LPIN1: variants seen among roughly 807,000 people sequenced by gnomAD.
LPIN1 encodes phosphatidate phosphatase LPIN1.
LPIN1 carries 71 observed loss-of-function variants against 107.5 expected under a neutral mutation model. That is an observed-to-expected ratio of 0.66 (90% CI 0.55 to 0.80). The LOEUF (loss-of-function observed/expected upper bound fraction) is 0.80, where lower values mean the gene tolerates loss of function less well. LPIN1 is among the 30% of genes least tolerant of loss of function. The pLI is 0.00. For synonymous variants in LPIN1, 445 were observed against 452.6 expected, an observed-to-expected ratio of 0.98 and a Z score of 0.21; for missense variants, 1,043 against 1,160.6, an observed-to-expected ratio of 0.90 and a Z score of 1.47.
chr2:11,776,447 T>G (rs1032353168), intron 6 of LPIN1, among the ~76,000 whole-genome samples: 1 of 151,598 alleles, frequency 6.6e-6, no homozygotes, highest in Non-Finnish European at 1.5e-5. Flanking sequence ...TTTTTTTTTT[T>G]AATTCCTAAA....
chr2:11,777,719 C>T (rs79208619), intron 6 of LPIN1, among the ~76,000 whole-genome samples: 2,272 of 152,308 alleles, frequency 0.015, 56 homozygotes, highest in African/African-American at 0.052. Flanking sequence ...AAATGTTTGC[C>T]GACCCCTGTT....
At chr2:11,681,095 C>T (rs1661688358) in intron 1 of LPIN1, among the ~76,000 whole-genome samples, 1 of 152,144 alleles carries the variant, frequency 6.6e-6, no homozygotes, top group Admixed American at 6.5e-5. Context: ...GACACTGAAT[C>T]CCTCTACACT....
At chr2:11,775,883 ATATATAATCTTT>A (rs1157200356) in intron 5 of LPIN1, among the ~76,000 whole-genome samples, 191 bp from the exon 6 acceptor site, 1 of 147,564 alleles carries the variant, frequency 6.8e-6, no homozygotes, top group Non-Finnish European at 1.5e-5. Flanking sequence ...ATATAATCTT[ATATATAATCTTT>A]ATATAAAGTA....
intron 13 of LPIN1, among the ~76,000 whole-genome samples, chr2:11,792,737 C>T (rs766764163): frequency 2.0e-5 from 3 of 152,182 alleles, no homozygotes; most frequent in Non-Finnish European, 4.4e-5. Flanking sequence ...TTCTCTGAGT[C>T]CTTTCACTGA....
intron 1 of LPIN1, among the ~76,000 whole-genome samples, chr2:11,693,958 C>T (rs950136061): frequency 2.0e-5 from 3 of 149,584 alleles, no homozygotes; most frequent in Admixed American, 1.3e-4. Flanking sequence ...CCTCAGCCTC[C>T]CGAATAGCTG....
upstream of LPIN1, among the ~76,000 whole-genome samples, chr2:11,741,788 C>T (rs184684316): frequency 0.022 from 3,355 of 151,506 alleles, 70 homozygotes; most frequent in Non-Finnish European, 0.03. Flanking sequence ...TCCAGCTGGG[C>T]GACAGAGTGA....
At chr2:11,761,242 A>T (rs1669782437) in intron 1 of LPIN1, among the ~76,000 whole-genome samples, 1 of 152,254 alleles carries the variant, frequency 6.6e-6, no homozygotes, top group South Asian at 2.1e-4. Flanking sequence ...AATAAGAAGT[A>T]TTAGGGTTAC....
At chr2:11,779,880 A>C (rs1236701064) in intron 7 of LPIN1, among the ~76,000 whole-genome samples, 2 of 150,334 alleles carry the variant, frequency 1.3e-5, no homozygotes, top group Non-Finnish European at 3.0e-5. Flanking sequence ...CTTAGGATTT[A>C]CTTTTTTTTT....
chr2:11,814,184 A>G lies in LPIN1; in HGVS notation c.2250-904A>G, dbSNP rs1333301986. Among the ~76,000 whole-genome samples, 5 of 152,222 alleles carry G rather than the reference A, an allele frequency of 3.3e-5. No individual in the cohort carries two copies. In the South Asian group the frequency reaches 1.0e-3, roughly 32 times the overall value. ...GGCTGCTGAGGAGGAGAACACCCGG[A>G]CACTCTGGAGTCCTGGGAGCTGAGT... On this transcript the variant is annotated intron_variant, in intron 17 of 20. Transcript: ENST00000674199.
Position 11,771,221 on chromosome 2 carries a change from C to A in LPIN1, c.289-151C>A. On this transcript the variant is annotated intron_variant, in intron 3 of 20. Coordinates refer to ENST00000674199, the MANE Select transcript of LPIN1 (RefSeq NM_001349206.2). This position sits in a 1 kb window ranked among gnomAD's most constrained non-coding sequence, Gnocchi z 4.8. ...ATTGGGCAGCCACATCTCCAGGTCA[C>A]CATGGCTGTGGCCTCTAGCTGGGCC... is the stretch of plus-strand genomic sequence containing the variant. The A allele has an allele frequency of 1.4e-6, 1 of 707,012 alleles. No homozygotes were observed. The allele number at this position is 707,012 out of a possible 1,614,324, so 43.8% of individuals were successfully genotyped here. A position where few individuals can be genotyped will look rare whatever the true frequency, so the allele number is the denominator to read the frequency against.
rs1032821749 is a variant in LPIN1 at position 11,697,843 on chromosome 2, G to A, written c.82-15913G>A. Among the ~76,000 whole-genome samples, 3 of 152,104 alleles carry A rather than the reference G, an allele frequency of 2.0e-5. No individual in the cohort carries two copies. Among genetic ancestry groups the A allele is most frequent in the Admixed American group, 6.5e-5 (1 of 15,274 alleles). On this transcript the variant is annotated intron_variant, in intron 1 of 21. Coordinates refer to the LPIN1 transcript ENST00000449576. The surrounding 1 kb of genome is among the most constrained non-coding windows in gnomAD (Gnocchi z 4.6). The stretch of plus-strand genomic sequence containing the variant: ...ACCAGGCCAGGGAACAAGCCCTACC[G>A]CACATTACATGGAAGCGAGTGTGCT...
rs997117744 is a variant in LPIN1 at position 11,774,538 on chromosome 2, GA to G, written c.722+798del. Among the ~76,000 whole-genome samples the G allele has an allele frequency of 6.6e-6, 1 of 152,140 alleles. No homozygotes were observed. The highest frequency in any genetic ancestry group is 1.5e-5 in the Non-Finnish European group (1 of 68,030). On this transcript the variant is annotated intron_variant, in intron 5 of 20. Transcript: ENST00000674199. This position sits in a 1 kb window ranked among gnomAD's most constrained non-coding sequence, Gnocchi z 4.4. ...GAATGCTCAGGGGCATGTTGATAAT[GA>G]AAAAGAGACTGAGAAACGCTGATCT...
At chr2:11,730,391 C>A (rs932677197) in intron 1 of LPIN1, among the ~76,000 whole-genome samples, 1 of 152,106 alleles carries the variant, frequency 6.6e-6, no homozygotes, top group African/African-American at 2.4e-5. Context: ...CTACTGCACA[C>A]CTCATCTCAT....
At chr2:11,730,254 C>G (rs1665058082) in intron 1 of LPIN1, among the ~76,000 whole-genome samples, 1 of 152,182 alleles carries the variant, frequency 6.6e-6, no homozygotes, top group Non-Finnish European at 1.5e-5. Context: ...CATCCCTGCA[C>G]TGAGTTTCCT....
At chr2:11,798,428 C>T (rs1677108019) in intron 14 of LPIN1, among the ~76,000 whole-genome samples, 2 of 152,266 alleles carry the variant, frequency 1.3e-5, no homozygotes, top group South Asian at 4.2e-4. Context: ...GCAGGCAGGA[C>T]CCCAGGAGAG....
At chr2:11,696,532 C>T (rs770313248) in intron 1 of LPIN1, among the ~76,000 whole-genome samples, 1 of 152,108 alleles carries the variant, frequency 6.6e-6, no homozygotes, top group Non-Finnish European at 1.5e-5. Flanking sequence ...AGCACCAAGA[C>T]GGTGCTAGAG....
rs116354893 is a variant in LPIN1 at position 11,784,835 on chromosome 2, C to G, written c.1359-51C>G. On this transcript the variant is annotated intron_variant, in intron 9 of 20. Transcript: ENST00000674199. ...GCATCACTGGATGGTGATGTAGGAC[C>G]CTGAACTGGGACAGTCCTCAGCCGG... 2,879 of 1,582,550 alleles carry G rather than the reference C, an allele frequency of 1.8e-3. 45 individuals carry two copies. The African/African-American group carries it at 0.032, about 18-fold the overall frequency.
Position 11,698,554 on chromosome 2 carries a change from T to C in LPIN1, c.82-15202T>C, listed in dbSNP as rs1662704553. On this transcript the variant is annotated intron_variant, in intron 1 of 21. Coordinates refer to the LPIN1 transcript ENST00000449576. ...TGTGAGCTGGTGGATCAGGCCCAGG[T>C]TGTTAAAAGCTGGTCTTCTAGATTG... is the stretch of plus-strand genomic sequence containing the variant. 2.0e-5 allele frequency among the ~76,000 whole-genome samples: 3 copies of C among 152,194 alleles called. No homozygotes were observed. The South Asian group carries it at 6.2e-4, about 31-fold the overall frequency.
At chr2:11,700,133 C>A (rs761209807) in intron 1 of LPIN1, among the ~76,000 whole-genome samples, 3 of 152,252 alleles carry the variant, frequency 2.0e-5, no homozygotes, top group South Asian at 4.1e-4. Flanking sequence ...AGCCCAATGG[C>A]CTCTGATAGC....
Sources: gnomAD v4.1 joint callset for allele counts (sites outside exome capture counted in the v4.1 genomes callset) on GRCh38, gnomAD v4.1.1 for gene constraint, Gnocchi (gnomAD v3.1) non-coding constraint, MANE v1.5 for transcripts, NCBI Gene and HGNC (gene_info 2026-07-23, HGNC 2026-07-21) for gene names.